The following LRRC7 variants were observed in gnomAD, a reference collection of about 807,000 sequenced individuals.
LRRC7 encodes leucine-rich repeat-containing protein 7.
Under a neutral mutation model 175.7 loss-of-function variants are expected in LRRC7, and 23 were observed. That is an observed-to-expected ratio of 0.13 (90% CI 0.09 to 0.19). The LOEUF (loss-of-function observed/expected upper bound fraction) is 0.19, where lower values mean the gene tolerates loss of function less well. Among genes scored for constraint, LRRC7 ranks in the 10% least tolerant of loss-of-function variants. LRRC7 has a pLI of 1.00. For synonymous variants in LRRC7, 685 were observed against 680.9 expected, an observed-to-expected ratio of 1.01 and a Z score of -0.09; for missense variants, 1,354 against 1,904.7, an observed-to-expected ratio of 0.71 and a Z score of 5.38.
intron 2 of LRRC7, among the ~76,000 whole-genome samples, chr1:69,705,816 C>T (rs1403526389): frequency 6.6e-6 from 1 of 152,094 alleles, no homozygotes; most frequent in African/African-American, 2.4e-5. Context: ...TTGGACATGA[C>T]CAGAATGACC....
At chr1:70,012,520 T>C (rs1656601503) in intron 12 of LRRC7, among the ~76,000 whole-genome samples, 1 of 151,828 alleles carries the variant, frequency 6.6e-6, no homozygotes. Flanking sequence ...CAACATATAA[T>C]TATCTTAGAG....
At chr1:69,888,634 C>T (rs1011761688) in intron 7 of LRRC7, among the ~76,000 whole-genome samples, 2 of 152,082 alleles carry the variant, frequency 1.3e-5, no homozygotes, top group African/African-American at 4.8e-5. Context: ...GCCATCTTGG[C>T]TCCTCCTCCT....
intron 1 of LRRC7, among the ~76,000 whole-genome samples, chr1:69,576,839 C>T (rs764316438): frequency 6.6e-6 from 1 of 152,134 alleles, no homozygotes; most frequent in Non-Finnish European, 1.5e-5. Context: ...TTTTACATGA[C>T]AAAATCTGAA....
intron 1 of LRRC7, among the ~76,000 whole-genome samples, chr1:69,594,489 A>G (rs936691321): frequency 6.6e-6 from 1 of 152,154 alleles, no homozygotes; most frequent in African/African-American, 2.4e-5. Flanking sequence ...CTTTGATGCT[A>G]ACAATTCTGT....
At chr1:69,911,729 G>T (rs892617745) in intron 7 of LRRC7, among the ~76,000 whole-genome samples, 1 of 152,146 alleles carries the variant, frequency 6.6e-6, no homozygotes, top group Admixed American at 6.5e-5. Context: ...AAGTAAGAAA[G>T]GTAGTTGCAT....
intron 3 of LRRC7, among the ~76,000 whole-genome samples, chr1:69,783,292 A>G (rs1302271356): frequency 1.3e-5 from 2 of 152,194 alleles, no homozygotes; most frequent in African/African-American, 4.8e-5. Context: ...TAAGAAAAGC[A>G]CAAATCGAAG....
intron 17 of LRRC7, among the ~76,000 whole-genome samples, chr1:70,026,415 A>G (rs1380718334): frequency 2.0e-5 from 3 of 152,132 alleles, no homozygotes; most frequent in Non-Finnish European, 2.9e-5. Flanking sequence ...TACAATTTAA[A>G]AATTATACTT....
chr1:69,626,861 A>G (rs539228682), intron 1 of LRRC7, among the ~76,000 whole-genome samples: 130 of 151,944 alleles, frequency 8.6e-4, no homozygotes, highest in African/African-American at 3.0e-3. Flanking sequence ...GCTGAGAATG[A>G]TGGTTTCCAG....
At chr1:69,801,823 A>AT (rs946976763) in intron 4 of LRRC7, among the ~76,000 whole-genome samples, 92 of 100,802 alleles carry the variant, frequency 9.1e-4, no homozygotes, top group East Asian at 5.4e-3. Flanking sequence ...TGACCTTTCT[A>AT]TTTTTTTTTT....
At chr1:69,902,056 A>G (rs1646150079) in intron 7 of LRRC7, among the ~76,000 whole-genome samples, 1 of 152,130 alleles carries the variant, frequency 6.6e-6, no homozygotes. Flanking sequence ...TGCTTTGTTA[A>G]TCCTTGAATT....
At chr1:69,731,573 C>G (rs1208255748) in intron 2 of LRRC7, among the ~76,000 whole-genome samples, 3 of 152,194 alleles carry the variant, frequency 2.0e-5, no homozygotes, top group South Asian at 4.2e-4. Context: ...TAACTTAGCC[C>G]TCTGAAAAAG....
At position 70,023,110 on chromosome 1, in the gene LRRC7, A is replaced by T; in HGVS notation, c.1546-16A>T. The T allele has an allele frequency of 7.2e-7, 1 of 1,387,440 alleles. No homozygotes were observed. The highest frequency in any genetic ancestry group is 2.6e-5 in the East Asian group (1 of 38,606). 85.9% of individuals were successfully genotyped at this position (1,387,440 alleles called of 1,614,324 possible). ...CTCCTCTTTCTCCCAGAAAATGGAG[A>T]TTCCTTCTCCCACAGGATCTCTCCT... On this transcript the variant is annotated splice_polypyrimidine_tract_variant and intron_variant, in intron 16 of 26. Transcript: ENST00000651989.
chr1:69,907,759 G>A (rs995784023), intron 7 of LRRC7, among the ~76,000 whole-genome samples: 4 of 152,136 alleles, frequency 2.6e-5, no homozygotes, highest in Non-Finnish European at 4.4e-5. Context: ...TTGGTATCAG[G>A]ATGATGCTGG....
At chr1:69,636,904 G>T (rs536096915) in intron 1 of LRRC7, among the ~76,000 whole-genome samples, 1 of 151,834 alleles carries the variant, frequency 6.6e-6, no homozygotes, top group Admixed American at 6.6e-5. Context: ...TATCTGACTG[G>T]ATTTAATTTG....
intron 1 of LRRC7, among the ~76,000 whole-genome samples, chr1:69,609,773 C>G (rs111528351): frequency 6.6e-6 from 1 of 151,970 alleles, no homozygotes; most frequent in Non-Finnish European, 1.5e-5. Flanking sequence ...TAGATTGTTT[C>G]TTTTAATTAT....
intron 1 of LRRC7, among the ~76,000 whole-genome samples, chr1:69,657,108 T>TTGTG (rs1016002248): frequency 3.3e-5 from 5 of 151,182 alleles, no homozygotes; most frequent in Non-Finnish European, 5.9e-5. Context: ...GATACTTATA[T>TTGTG]TGTGTGTGTG....
At chr1:69,671,905 A>G (rs191884430) in intron 1 of LRRC7, among the ~76,000 whole-genome samples, 15 of 152,318 alleles carry the variant, frequency 9.8e-5, no homozygotes, top group Admixed American at 7.8e-4. Context: ...TTTGCAATTC[A>G]GGACTCTTTC....
chr1:69,761,149 A>T (rs1402132298), intron 3 of LRRC7, among the ~76,000 whole-genome samples: 3 of 152,038 alleles, frequency 2.0e-5, no homozygotes, highest in East Asian at 1.9e-4. Flanking sequence ...AAATCAAGGG[A>T]TCCTAACAGT....
intron 3 of LRRC7, among the ~76,000 whole-genome samples, chr1:69,788,363 G>A (rs983873833): frequency 4.6e-5 from 7 of 152,152 alleles, no homozygotes; most frequent in African/African-American, 1.7e-4. Flanking sequence ...AGGGTGTTTA[G>A]TTTTGCTGTA....
Sources: gnomAD v4.1 joint callset for allele counts (sites outside exome capture counted in the v4.1 genomes callset) on GRCh38, gnomAD v4.1.1 for gene constraint, MANE v1.5 for transcripts, NCBI Gene and HGNC (gene_info 2026-07-23, HGNC 2026-07-21) for gene names.